BBS12: variants seen among roughly 807,000 people sequenced by gnomAD.
BBS12 encodes Bardet-Biedl syndrome 12.
A neutral mutation model predicts 5.6 loss-of-function variants in BBS12; 5 were observed. The observed-to-expected ratio is 0.89, with a 90% CI of 0.46 to 1.86. The LOEUF (loss-of-function observed/expected upper bound fraction) is 1.86. Among genes scored for constraint, BBS12 ranks in the 40% most tolerant of loss-of-function variants. The pLI is 0.01. For missense variants in BBS12, 748 were observed against 830.4 expected, an observed-to-expected ratio of 0.90 and a Z score of 1.22; for synonymous variants, 308 against 306.8, an observed-to-expected ratio of 1.00 and a Z score of -0.04.
the BBS12 span, among the ~76,000 whole-genome samples, chr4:122,712,830 C>T: frequency 7.0e-4 from 106 of 152,294 alleles, no homozygotes; most frequent in Non-Finnish European, 1.2e-3. Flanking sequence ...GTTATCGGAA[C>T]GTTGACTTTG....
the BBS12 span, among the ~76,000 whole-genome samples, chr4:122,719,471 A>G: frequency 6.6e-6 from 1 of 152,104 alleles, no homozygotes; most frequent in African/African-American, 2.4e-5. Context: ...TTGGGTCCAC[A>G]CTACCTTTAT....
the BBS12 span, among the ~76,000 whole-genome samples, chr4:122,717,006 C>G: frequency 6.6e-6 from 1 of 152,282 alleles, no homozygotes; most frequent in East Asian, 1.9e-4. Context: ...ACTCACCGAA[C>G]AGACAAGACC....
At chr4:122,701,354 T>TTGAGAC in the BBS12 span, among the ~76,000 whole-genome samples, 8 of 152,204 alleles carry the variant, frequency 5.3e-5, no homozygotes, top group Non-Finnish European at 1.2e-4. Flanking sequence ...TTTAGGAGCA[T>TTGAGAC]TGAGACTGAG....
chr4:122,725,536 G>A, the BBS12 span, among the ~76,000 whole-genome samples: 1 of 152,204 alleles, frequency 6.6e-6, no homozygotes, highest in East Asian at 1.9e-4. Context: ...ATCAACAAAT[G>A]GTGCTGGGAT....
rs1800962274 is a variant in BBS12 at position 122,744,777 on chromosome 4, G to A, written c.*752G>A. On this transcript the variant is annotated 3_prime_UTR_variant, in exon 2 of 2. Coordinates refer to ENST00000314218, the MANE Select transcript of BBS12 (RefSeq NM_152618.3). ...CTATTATCAGACACAGCAGCAGGAT[G>A]AAGCCAACCTGCAGTATTAACCTCA... 1 of 167,124 alleles carries A rather than the reference G, an allele frequency of 6.0e-6. No homozygotes were observed. Among genetic ancestry groups the A allele is most frequent in the Non-Finnish European group, 1.5e-5 (1 of 68,158 alleles). 10.4% of individuals were successfully genotyped at this position (167,124 alleles called of 1,614,324 possible). A position where few individuals can be genotyped will look rare whatever the true frequency, so the allele number is the denominator to read the frequency against.
chr4:122,741,533 C>A (rs1412620399), intron 1 of BBS12, among the ~76,000 whole-genome samples: 1 of 152,194 alleles, frequency 6.6e-6, no homozygotes, highest in African/African-American at 2.4e-5. Flanking sequence ...ACTTCTATTT[C>A]CCTGAATACA....
chr4:122,703,564 A>G, the BBS12 span, among the ~76,000 whole-genome samples: 9 of 152,174 alleles, frequency 5.9e-5, no homozygotes, highest in South Asian at 2.1e-4. Flanking sequence ...AATTAAAAAT[A>G]GACTTCCCCA....
At chr4:122,710,225 G>A in the BBS12 span, among the ~76,000 whole-genome samples, 4 of 152,132 alleles carry the variant, frequency 2.6e-5, no homozygotes, top group East Asian at 3.8e-4. Context: ...TGCCAAAGGC[G>A]ATGGTAGGTT....
intron 1 of BBS12, among the ~76,000 whole-genome samples, chr4:122,733,569 T>C (rs768858202): frequency 6.6e-6 from 1 of 152,208 alleles, no homozygotes; most frequent in Non-Finnish European, 1.5e-5. Flanking sequence ...GTGAAACTTT[T>C]GTAAACCAAC....
chr4:122,703,657 C>T, the BBS12 span, among the ~76,000 whole-genome samples: 1 of 152,162 alleles, frequency 6.6e-6, no homozygotes, highest in African/African-American at 2.4e-5. Flanking sequence ...CTCTGTTGGG[C>T]ATCCACTACC....
Position 122,743,168 on chromosome 4 carries a change from T to C in BBS12, c.1276T>C (p.Cys426Arg), listed in dbSNP as rs771456483. The change falls in exon 2 of 2, where the codon TGT becomes CGT. Residue 426 changes from cysteine (C) to arginine (R), a missense_variant. By Grantham distance (180) the Cys-to-Arg change is radical. Coordinates refer to ENST00000314218, the MANE Select transcript of BBS12 (RefSeq NM_152618.3). ...GNVSERLIEKCINSKRLVIGS... is the reference protein window; with the variant it reads ...GNVSERLIEKRINSKRLVIGS... The stretch of plus-strand genomic sequence containing the variant: ...TGTGTCCGAACGCTTAATTGAAAAA[T>C]GTATAAACAGTAAGCGGTTGGTAAT... 13 of 1,614,026 alleles carry C rather than the reference T, an allele frequency of 8.1e-6. No homozygotes were observed. Among genetic ancestry groups the C allele is most frequent in the African/African-American group, 2.7e-5 (2 of 74,914 alleles).
Position 122,743,025 on chromosome 4 carries a change from T to C in BBS12, c.1133T>C (p.Ile378Thr). Residue 378 changes from isoleucine (I) to threonine (T), a missense_variant, in exon 2 of 2, where the codon ATT becomes ACT. Coordinates refer to ENST00000314218, the MANE Select transcript of BBS12 (RefSeq NM_152618.3). ...RHLGFNKSANIKTVLDSMRLQ... is the reference protein window; with the variant it reads ...RHLGFNKSANTKTVLDSMRLQ... ...CTGGGATTTAATAAGTCTGCAAATA[T>C]TAAAACAGTATTAGATAGCATGCGG... 6.2e-7 allele frequency: 1 copy of C among 1,614,264 alleles called. No individual in the cohort carries two copies. Among genetic ancestry groups the C allele is most frequent in the Non-Finnish European group, 8.5e-7 (1 of 1,180,056 alleles).
In BBS12 at chr4:122,742,941, A is replaced by C; in HGVS notation, c.1049A>C (p.Gln350Pro). 6.8e-6 allele frequency: 11 copies of C among 1,614,218 alleles called. No individual in the cohort carries two copies. Among genetic ancestry groups the C allele is most frequent in the Non-Finnish European group, 7.6e-6 (9 of 1,180,014 alleles). The change falls in exon 2 of 2, where the codon CAG becomes CCG. Residue 350 changes from glutamine (Q) to proline (P), a missense_variant. By Grantham distance (76) the Gln-to-Pro change is moderately conservative. Coordinates refer to ENST00000314218, the MANE Select transcript of BBS12 (RefSeq NM_152618.3). ...VSNNPVIKEL[Q>P]NQPVRIVLIE... ...AATAATCCTGTGATCAAGGAATTGC[A>C]GAATCAGCCTGTGCGAATAGTTCTC...
chr4:122,715,793 C>T, the BBS12 span, among the ~76,000 whole-genome samples: 11 of 151,998 alleles, frequency 7.2e-5, no homozygotes, highest in Admixed American at 3.9e-4. Context: ...TTTTTCCATC[C>T]GCTTAAAATT....
the BBS12 span, among the ~76,000 whole-genome samples, chr4:122,716,784 T>C: frequency 1.3e-5 from 2 of 151,492 alleles, no homozygotes; most frequent in African/African-American, 4.8e-5. Flanking sequence ...TGGCTACATT[T>C]CAAATAGTGT....
At chr4:122,716,640 C>T in the BBS12 span, among the ~76,000 whole-genome samples, 9,977 of 80,232 alleles carry the variant, frequency 0.12, 1,048 homozygotes, top group Non-Finnish European at 0.14. Flanking sequence ...TATGTATATA[C>T]ACACGTGTGT....
the BBS12 span, among the ~76,000 whole-genome samples, chr4:122,716,602 C>A: frequency 0.19 from 19,737 of 102,314 alleles, 2,862 homozygotes; most frequent in East Asian, 0.62. Flanking sequence ...TGTATGTATA[C>A]ACACATGTGT....
At chr4:122,711,218 GGTGCTGTAGAAATGAGAAA>G in the BBS12 span, among the ~76,000 whole-genome samples, 71 of 152,192 alleles carry the variant, frequency 4.7e-4, no homozygotes, top group South Asian at 1.0e-3. Flanking sequence ...AGGAAAATAA[GGTGCTGTAGAAATGAGAAA>G]GTGCTGTAGA....
the BBS12 span, among the ~76,000 whole-genome samples, chr4:122,721,299 T>C: frequency 1.3e-5 from 2 of 152,174 alleles, no homozygotes; most frequent in Non-Finnish European, 2.9e-5. Context: ...TTATACCTTG[T>C]AGGGATTTGA....
Sources: gnomAD v4.1 joint callset for allele counts (sites outside exome capture counted in the v4.1 genomes callset) on GRCh38, gnomAD v4.1.1 for gene constraint, MANE v1.5 for transcripts, NCBI Gene and HGNC (gene_info 2026-07-23, HGNC 2026-07-21) for gene names.